Variants in STIM2 observed in about 807,000 individuals in gnomAD.
The protein encoded by STIM2 is stromal interaction molecule 2.
STIM2 carries 31 observed loss-of-function variants against 85.8 expected under a neutral mutation model. That is an observed-to-expected ratio of 0.36 (90% CI 0.27 to 0.49). The LOEUF (loss-of-function observed/expected upper bound fraction) is 0.49. Ranked by LOEUF, STIM2 falls within the 20% of genes least tolerant of loss-of-function variation. The pLI is 0.98. For missense variants in STIM2, 841 were observed against 927.6 expected, an observed-to-expected ratio of 0.91 and a Z score of 1.21; for synonymous variants, 356 against 331.1, an observed-to-expected ratio of 1.08 and a Z score of -0.82.
At chr4:26,980,167 G>C (rs1727331608) in intron 3 of STIM2, among the ~76,000 whole-genome samples, 3 of 152,088 alleles carry the variant, frequency 2.0e-5, no homozygotes, top group African/African-American at 7.2e-5. Context: ...ATTACAAATA[G>C]GTCTTATATT....
chr4:26,877,182 T>TA (rs1722841989), intron 1 of STIM2, among the ~76,000 whole-genome samples: 1 of 152,118 alleles, frequency 6.6e-6, no homozygotes, highest in Non-Finnish European at 1.5e-5. Flanking sequence ...TTCTTTATTT[T>TA]AAAAAACACA....
chr4:26,861,566 C>T (rs547084421), intron 1 of STIM2, 197 bp downstream of exon 1: 2 of 800,556 alleles, frequency 2.5e-6, no homozygotes, highest in South Asian at 1.2e-4. Context: ...ACCCCGCCCT[C>T]GCCGAGCCTC....
At chr4:27,021,057 C>CAA (rs753021176) in intron 11 of STIM2, 65 of 1,160,540 alleles carry the variant, frequency 5.6e-5, no homozygotes, top group Middle Eastern at 2.1e-4. Flanking sequence ...GTAAAGCTCT[C>CAA]AAAAAAAAAA....
At chr4:26,925,699 A>G (rs1724936713) in intron 2 of STIM2, among the ~76,000 whole-genome samples, 1 of 69,690 alleles carries the variant, frequency 1.4e-5, no homozygotes, top group African/African-American at 1.5e-4. Context: ...AGGAGAAGGA[A>G]AAAAAGGGTA....
intron 2 of STIM2, among the ~76,000 whole-genome samples, chr4:26,943,400 G>A (rs1410014759): frequency 1.3e-5 from 2 of 152,076 alleles, no homozygotes; most frequent in Non-Finnish European, 1.5e-5. Context: ...TTTTAAATGA[G>A]CTTCAGGCTA....
rs776710635 is a variant in STIM2, at chr4:27,017,919, T to G, written c.1698T>G (p.Ser566Arg). 6.2e-7 allele frequency: 1 copy of G among 1,614,170 alleles called. No individual in the cohort carries two copies. Among genetic ancestry groups the G allele is most frequent in the South Asian group, 1.1e-5 (1 of 91,084 alleles). Reference sequence around the variant, plus strand: ...ATCCAGATATCCTCTCAGTGTCAAGTTGCCCTGCGCTTTATCGAAATGAAG... The same window carrying G: ...ATCCAGATATCCTCTCAGTGTCAAGGTGCCCTGCGCTTTATCGAAATGAAG... Residue 566 changes from serine (S) to arginine (R), a missense_variant, in exon 11 of 12, where the codon AGT becomes AGG. Around this residue, in one of 3 missense-constraint regions of STIM2, gnomAD observed 293 missense variants for 284.5 expected, o/e 1.03. Coordinates refer to ENST00000467087, the MANE Select transcript of STIM2 (RefSeq NM_020860.4).
chr4:27,022,830 A>C lies in STIM2; in HGVS notation c.2075A>C (p.Lys692Thr). 1 of 1,614,208 alleles carries C rather than the reference A, an allele frequency of 6.2e-7. No individual in the cohort carries two copies. Among genetic ancestry groups the C allele is most frequent in the Non-Finnish European group, 8.5e-7 (1 of 1,180,034 alleles). The change falls in exon 12 of 12, where the codon AAA becomes ACA. Residue 692 changes from lysine (K) to threonine (T), a missense_variant. This residue lies in a region of STIM2 where 293 missense variants were observed against 284.5 expected (regional missense o/e 1.03). Coordinates refer to ENST00000467087, the MANE Select transcript of STIM2 (RefSeq NM_020860.4). Reference sequence around the variant, plus strand: ...CTTTCCAGTGGCATCCCGGTGCCTAAACCTCGCCACACATCATGTTCCTCA... The same window carrying C: ...CTTTCCAGTGGCATCCCGGTGCCTACACCTCGCCACACATCATGTTCCTCA...
intron 1 of STIM2, among the ~76,000 whole-genome samples, chr4:26,882,582 CTAG>C: frequency 1.3e-5 from 2 of 151,958 alleles, no homozygotes; most frequent in Middle Eastern, 3.4e-3. Flanking sequence ...CTCAGTCTCC[CTAG>C]TAGCTGGAGG....
rs11302319 is a variant in STIM2, at chr4:26,865,989, GTT to G, written c.151+4630_151+4631del. Among the ~76,000 whole-genome samples the G allele has an allele frequency of 6.0e-3, 889 of 148,804 alleles. 8 individuals carry two copies. The highest frequency in any genetic ancestry group is 0.021 in the African/African-American group (834 of 40,682). ...AGACTAATCCTGTTAGATAGCTACT[GTT>G]TTTTTTTTTCCTTCTAACTTTTATT... On this transcript the variant is annotated intron_variant, in intron 1 of 11. Transcript: ENST00000467087.
intron 10 of STIM2, among the ~76,000 whole-genome samples, chr4:27,010,196 G>A (rs554307675): frequency 1.1e-4 from 16 of 152,014 alleles, no homozygotes; most frequent in Non-Finnish European, 1.3e-4. Flanking sequence ...CTGTAATCCC[G>A]GCACTTTGGG....
intron 3 of STIM2, among the ~76,000 whole-genome samples, chr4:26,977,222 G>A (rs1365664288): frequency 6.6e-6 from 1 of 152,136 alleles, no homozygotes; most frequent in African/African-American, 2.4e-5. Flanking sequence ...AAGTGTTTAG[G>A]AAACTGTTGG....
intron 3 of STIM2, among the ~76,000 whole-genome samples, chr4:26,976,340 A>G (rs1399118929): frequency 1.4e-5 from 2 of 144,804 alleles, no homozygotes; most frequent in Admixed American, 1.4e-4. Context: ...TCACGCTGGG[A>G]GCTGCAGATC....
At chr4:26,894,994 C>T (rs1723644804) in intron 1 of STIM2, among the ~76,000 whole-genome samples, 1 of 152,200 alleles carries the variant, frequency 6.6e-6, no homozygotes, top group African/African-American at 2.4e-5. Context: ...GGTGGATCAC[C>T]TGAGGCCAGG....
chr4:26,979,875 A>G (rs1727317766), intron 3 of STIM2, among the ~76,000 whole-genome samples: 1 of 152,154 alleles, frequency 6.6e-6, no homozygotes, highest in Middle Eastern at 3.2e-3. Context: ...AAGATTTGGT[A>G]GTATGTTTTT....
intron 5 of STIM2, among the ~76,000 whole-genome samples, chr4:27,000,894 A>G (rs548972509): frequency 5.3e-5 from 8 of 151,588 alleles, no homozygotes; most frequent in Non-Finnish European, 1.2e-4. Context: ...ATTGTTATTT[A>G]TGGTCAGAGA....
At chr4:26,873,538 T>A (rs1722706622) in intron 1 of STIM2, 1 of 401,656 alleles carries the variant, frequency 2.5e-6, no homozygotes, top group Admixed American at 3.6e-5. Context: ...CCAGGGTAAC[T>A]CTGACTACTT....
rs1723784770 is a variant in STIM2, at chr4:26,898,328, G to T, written c.152-21176G>T. On this transcript the variant is annotated intron_variant, in intron 1 of 11. Coordinates refer to ENST00000467087, the MANE Select transcript of STIM2 (RefSeq NM_020860.4). ...TTTTAGACAAGAATACCTCGTAGAA[G>T]TACTGTGTACTTCTTGTTATATTAC... is the stretch of plus-strand genomic sequence containing the variant. 3.3e-5 allele frequency among the ~76,000 whole-genome samples: 5 copies of T among 152,278 alleles called. No individual in the cohort carries two copies. In the South Asian group the frequency reaches 1.0e-3, roughly 32 times the overall value.
At chr4:27,016,665 T>C (rs1165339896) in intron 10 of STIM2, among the ~76,000 whole-genome samples, 2 of 152,248 alleles carry the variant, frequency 1.3e-5, no homozygotes, top group Non-Finnish European at 2.9e-5. Context: ...GTTAGAATTT[T>C]ACCCTTTCAC....
chr4:27,023,341 G>C lies in STIM2; in HGVS notation c.*345G>C, dbSNP rs1431465339. ...CTTACAAGCTTTAATGGACTCGTAA[G>C]CCAGCATGGGCTTGCAAAAATTTCT... On this transcript the variant is annotated 3_prime_UTR_variant, in exon 12 of 12. Transcript: ENST00000467087. The C allele has an allele frequency of 4.6e-6, 1 of 217,100 alleles. No homozygotes were observed. Among genetic ancestry groups the C allele is most frequent in the Admixed American group, 5.2e-5 (1 of 19,372 alleles). 13.4% of individuals were successfully genotyped at this position (217,100 alleles called of 1,614,324 possible). A position where few individuals can be genotyped will look rare whatever the true frequency, so the allele number is the denominator to read the frequency against.
Sources: allele counts gnomAD v4.1 joint callset (sites outside exome capture counted in the v4.1 genomes callset), GRCh38; gene constraint gnomAD v4.1.1; regional missense constraint gnomAD v4.1.1; transcripts MANE v1.5; gene names NCBI Gene and HGNC (gene_info 2026-07-23, HGNC 2026-07-21).